H6PD: variants seen among roughly 807,000 people sequenced by gnomAD.
The protein encoded by H6PD is hexose-6-phosphate dehydrogenase/glucose 1-dehydrogenase.
Under a neutral mutation model 61.2 loss-of-function variants are expected in H6PD, and 48 were observed. The observed-to-expected ratio is 0.78, with a 90% CI of 0.62 to 1.00. The LOEUF (loss-of-function observed/expected upper bound fraction) is 1.00, where lower values mean the gene tolerates loss of function less well. H6PD is among the 50% of genes least tolerant of loss of function. The pLI is 0.00. For synonymous variants in H6PD, 480 were observed against 457.9 expected (o/e 1.05, Z -0.62); for missense variants, 1,093 against 1,065.0 (o/e 1.03, Z -0.37).
At chr1:9,261,946 G>C in intron 3 of H6PD, 113 bp from the exon 4 acceptor site, 2 of 1,070,194 alleles carry the variant, frequency 1.9e-6, no homozygotes, top group South Asian at 2.6e-5. Context: ...CTGTGGACTG[G>C]GGGAAGAGGA....
chr1:9,253,319 G>C (rs1641425846), intron 3 of H6PD, among the ~76,000 whole-genome samples: 1 of 152,200 alleles, frequency 6.6e-6, no homozygotes, highest in South Asian at 2.1e-4. Flanking sequence ...AATTGAGAGA[G>C]GATAAAAATA....
Position 9,268,239 on chromosome 1 carries a change from A to C in H6PD, c.*3370A>C, listed in dbSNP as rs1234005922. 1.2e-4 allele frequency: 3 copies of C among 25,770 alleles called. No individual in the cohort carries two copies. Among genetic ancestry groups the C allele is most frequent in the African/African-American group, 3.4e-4 (2 of 5,912 alleles). The allele number at this position is 25,770 out of a possible 1,614,324, so 1.6% of individuals were successfully genotyped here. A position where few individuals can be genotyped will look rare whatever the true frequency, so the allele number is the denominator to read the frequency against. On this transcript the variant is annotated 3_prime_UTR_variant, in exon 5 of 5. Transcript: ENST00000377403. The stretch of plus-strand genomic sequence containing the variant: ...GGAAAACAGAGTGAGACCCTATCTC[A>C]AAAAAAAAAAAAAAAAAAAAGGAAA...
intron 3 of H6PD, among the ~76,000 whole-genome samples, chr1:9,250,287 A>G (rs1641317053): frequency 6.6e-6 from 1 of 152,146 alleles, no homozygotes; most frequent in Non-Finnish European, 1.5e-5. Context: ...CAGCATGGGC[A>G]GAATGTTTCC....
At position 9,263,671 on chromosome 1, in the gene H6PD, G is replaced by A. The variant is rs147080717; in HGVS notation, c.1178G>A (p.Cys393Tyr). Residue 393 changes from cysteine to tyrosine, a missense_variant, in exon 5 of 5, where the codon TGC becomes TAC. By Grantham distance (194) the Cys-to-Tyr change is radical. Transcript: ENST00000377403. ...CACTGGGCCGCGGCGCAGAGCCAGT[G>A]CCTGCCCCGGCAGCTCGTCTTCCAC... The part of the protein sequence containing the change: ...EKHWAAAQSQ[C>Y]LPRQLVFHIG... 3 of 1,613,946 alleles carry A rather than the reference G, an allele frequency of 1.9e-6. No individual in the cohort carries two copies. The highest frequency in any genetic ancestry group is 1.1e-5 in the South Asian group (1 of 91,072).
At chr1:9,251,297 C>T (rs901528418) in intron 3 of H6PD, among the ~76,000 whole-genome samples, 4 of 152,198 alleles carry the variant, frequency 2.6e-5, no homozygotes, top group Non-Finnish European at 5.9e-5. Flanking sequence ...GGTCTTGGCA[C>T]CTCAGAGCCT....
chr1:9,245,632 C>T lies in H6PD; in HGVS notation c.627+71C>T. The T allele has an allele frequency of 6.8e-7, 1 of 1,474,628 alleles. No homozygotes were observed. The highest frequency in any genetic ancestry group is 2.3e-5 in the East Asian group (1 of 43,622). The allele number at this position is 1,474,628 out of a possible 1,614,324, so 91.3% of individuals were successfully genotyped here. A position where few individuals can be genotyped will look rare whatever the true frequency, so the allele number is the denominator to read the frequency against. ...CTGGTAGACCCCAGCAACAAAGCCG[C>T]TCGCTCATTGTGGAGCTAGGCCCCA... On this transcript the variant is annotated intron_variant, in intron 2 of 4. Transcript: ENST00000377403. The surrounding 1 kb of genome is among the most constrained non-coding windows in gnomAD (Gnocchi z 4.8).
At chr1:9,262,931 A>C (rs1638376795) in intron 4 of H6PD, among the ~76,000 whole-genome samples, 1 of 152,150 alleles carries the variant, frequency 6.6e-6, no homozygotes, top group Non-Finnish European at 1.5e-5. Context: ...AGGCTCGGTG[A>C]AGTCGTCAGA....
In H6PD at chr1:9,245,094, G is replaced by A; in HGVS notation, c.160G>A (p.Ala54Thr). Residue 54 changes from alanine to threonine, a missense_variant, in exon 2 of 5, where the codon GCG (alanine) becomes ACG (threonine). Physicochemically the swap from Ala to Thr is moderately conservative, Grantham distance 58. Transcript: ENST00000377403. The surrounding 1 kb of genome is among the most constrained non-coding windows in gnomAD (Gnocchi z 4.8). ...QGLFQLYLDE[A>T]GRGHSFSFHG... ...ACTGTTCCAGCTGTACCTGGATGAA[G>A]CGGGGAGGGGTCACAGTTTTAGCTT... 1 of 1,614,234 alleles carries A rather than the reference G, an allele frequency of 6.2e-7. No individual in the cohort carries two copies. The highest frequency in any genetic ancestry group is 8.5e-7 in the Non-Finnish European group (1 of 1,180,042).
At chr1:9,252,280 G>T (rs1328607388) in intron 3 of H6PD, among the ~76,000 whole-genome samples, 1 of 152,012 alleles carries the variant, frequency 6.6e-6, no homozygotes, top group Non-Finnish European at 1.5e-5. Context: ...AAATCTCTAT[G>T]TATTAGCAGT....
At chr1:9,243,744 GT>G (rs775791483) in intron 1 of H6PD, among the ~76,000 whole-genome samples, 12 of 149,456 alleles carry the variant, frequency 8.0e-5, no homozygotes, top group Non-Finnish European at 1.6e-4. Flanking sequence ...ACTAGCCCAG[GT>G]GGTTTGCTTA....
At chr1:9,260,595 A>T (rs924497712) in intron 3 of H6PD, among the ~76,000 whole-genome samples, 43 of 151,528 alleles carry the variant, frequency 2.8e-4, no homozygotes, top group Non-Finnish European at 7.4e-5. Context: ...CTGGTGTTGC[A>T]CTGCTGTTAT....
In H6PD at chr1:9,262,093, T is replaced by A. The variant is rs1202276208; in HGVS notation, c.780T>A (p.Ile260=). The A allele has an allele frequency of 6.2e-7, 1 of 1,614,202 alleles. No individual in the cohort carries two copies. The highest frequency in any genetic ancestry group is 1.1e-5 in the South Asian group (1 of 91,080). The change falls in exon 4 of 5, where the codon ATT becomes ATA. Residue 260 remains isoleucine (I), a synonymous_variant. Coordinates refer to ENST00000377403, the MANE Select transcript of H6PD (RefSeq NM_004285.4). ...RTSFYEEYGV[I]RDVLQNHLTE... Reference sequence around the variant, plus strand: ...GCTTCTATGAGGAGTACGGTGTCATTCGCGACGTCCTCCAGAACCATCTGA... The same window carrying A: ...GCTTCTATGAGGAGTACGGTGTCATACGCGACGTCCTCCAGAACCATCTGA...
chr1:9,256,031 T>C (rs1641506151), intron 3 of H6PD, among the ~76,000 whole-genome samples: 1 of 152,216 alleles, frequency 6.6e-6, no homozygotes, highest in South Asian at 2.1e-4. Flanking sequence ...TTTACCTCTT[T>C]ACCAGCTGTG....
Position 9,264,049 on chromosome 1 carries a change from G to A in H6PD, c.1556G>A (p.Arg519Gln), listed in dbSNP as rs199945510. Residue 519 changes from arginine (R) to glutamine (Q), a missense_variant, in exon 5 of 5, where the codon CGG (arginine) becomes CAG (glutamine). Physicochemically the swap from Arg to Gln is conservative, Grantham distance 43. Coordinates refer to ENST00000377403, the MANE Select transcript of H6PD (RefSeq NM_004285.4). Reference sequence around the variant, plus strand: ...TTGGACTTTGAGTTCAGTAGCGGCCGGTTGTTCTTTTCCCAGCAGCAGCCG... The same window carrying A: ...TTGGACTTTGAGTTCAGTAGCGGCCAGTTGTTCTTTTCCCAGCAGCAGCCG... ...RLLDFEFSSG[R>Q]LFFSQQQPEQ... 808 of 1,614,070 alleles carry A rather than the reference G, an allele frequency of 5.0e-4. 2 individuals carry two copies. Among genetic ancestry groups the A allele is most frequent in the Non-Finnish European group, 6.3e-4 (746 of 1,180,052 alleles).
At chr1:9,238,397 C>T (rs1217281040) in intron 1 of H6PD, among the ~76,000 whole-genome samples, 1 of 152,152 alleles carries the variant, frequency 6.6e-6, no homozygotes, top group Non-Finnish European at 1.5e-5. Flanking sequence ...TGAGGCTCAG[C>T]CATAGAGGGT....
chr1:9,249,351 C>T lies in H6PD; in HGVS notation c.745+2268C>T, dbSNP rs1357634384. On this transcript the variant is annotated intron_variant, in intron 3 of 4. Coordinates refer to ENST00000377403, the MANE Select transcript of H6PD (RefSeq NM_004285.4). ...CTTTTGGATTTTGAAGAAAGAAACA[C>T]GGAAGATATGAAAGACAGACAGGTG... Among the ~76,000 whole-genome samples the T allele has an allele frequency of 2.0e-5, 3 of 152,150 alleles. No individual in the cohort carries two copies. The East Asian group carries it at 5.8e-4, about 29-fold the overall frequency.
chr1:9,262,012 C>T (rs776994702), intron 3 of H6PD, 47 bp from the exon 4 acceptor site: 55 of 1,600,240 alleles, frequency 3.4e-5, no homozygotes, highest in Non-Finnish European at 4.5e-5. Context: ...ATCTGATGTT[C>T]TGGCCTCTCT....
chr1:9,262,065 C>T lies in H6PD; in HGVS notation c.752C>T (p.Thr251Ile), dbSNP rs781715707. The change falls in exon 4 of 5, where the codon ACC becomes ATC. Residue 251 changes from threonine to isoleucine, a missense_variant. Physicochemically the swap from Thr to Ile is moderately conservative, Grantham distance 89. Coordinates refer to ENST00000377403, the MANE Select transcript of H6PD (RefSeq NM_004285.4). ...CTCCACCTCCCTCCACCAGGCCGCACCAGCTTCTATGAGGAGTACGGTGTC... is the reference window on the plus strand; with the variant it reads ...CTCCACCTCCCTCCACCAGGCCGCATCAGCTTCTATGAGGAGTACGGTGTC... ...MKETVDAEGR[T>I]SFYEEYGVIR... is the part of the protein sequence containing the mutation. 1.2e-6 allele frequency: 2 copies of T among 1,614,186 alleles called. No individual in the cohort carries two copies. Among genetic ancestry groups the T allele is most frequent in the Non-Finnish European group, 1.7e-6 (2 of 1,180,004 alleles).
chr1:9,258,164 G>T (rs775317909), intron 3 of H6PD, among the ~76,000 whole-genome samples: 7 of 152,238 alleles, frequency 4.6e-5, no homozygotes, highest in Non-Finnish European at 1.0e-4. Context: ...TTGTTATGCT[G>T]GTGTTGTTAC....
Sources: gnomAD v4.1 joint callset for allele counts (sites outside exome capture counted in the v4.1 genomes callset) on GRCh38, gnomAD v4.1.1 for gene constraint, Gnocchi (gnomAD v3.1) non-coding constraint, MANE v1.5 for transcripts, NCBI Gene and HGNC (gene_info 2026-07-23, HGNC 2026-07-21) for gene names.